The following TRIM62 variants were observed in gnomAD, a reference collection of about 807,000 sequenced individuals.
The protein encoded by TRIM62 is tripartite motif containing 62.
A neutral mutation model predicts 44.2 loss-of-function variants in TRIM62; 39 were observed. The observed-to-expected ratio is 0.88, with a 90% CI of 0.68 to 1.15. The LOEUF is 1.15. TRIM62 is among the 50% of genes most tolerant of loss of function. The probability of loss-of-function intolerance (pLI) is 0.00; values close to 1 mark genes in which losing one functional copy is unlikely to be tolerated. For missense variants in TRIM62, 544 were observed against 665.5 expected (o/e 0.82, Z 2.01); for synonymous variants, 278 against 292.3 (o/e 0.95, Z 0.50).
intron 4 of TRIM62, among the ~76,000 whole-genome samples, chr1:33,150,525 T>C (rs1645081790): frequency 6.6e-6 from 1 of 152,238 alleles, no homozygotes; most frequent in Non-Finnish European, 1.5e-5. Flanking sequence ...GAGGGCTGTA[T>C]GGAAGTAATT....
At chr1:33,154,154 A>G (rs1645140442) in intron 4 of TRIM62, among the ~76,000 whole-genome samples, 1 of 152,226 alleles carries the variant, frequency 6.6e-6, no homozygotes, top group African/African-American at 2.4e-5. Context: ...GAGGGAGAAT[A>G]TGGCTCATTT....
At chr1:33,153,057 A>C (rs1206427719) in intron 4 of TRIM62, among the ~76,000 whole-genome samples, 1 of 66,174 alleles carries the variant, frequency 1.5e-5, no homozygotes, top group African/African-American at 6.1e-5. Flanking sequence ...GAGGTGGGGG[A>C]GGGTGGAAGT....
intron 1 of TRIM62, among the ~76,000 whole-genome samples, chr1:33,180,452 C>T (rs1327523142): frequency 6.6e-6 from 1 of 152,064 alleles, no homozygotes; most frequent in Non-Finnish European, 1.5e-5. Flanking sequence ...ACTTTGGCAC[C>T]CTAACTTATA....
Position 33,159,573 on chromosome 1 carries a change from A to C in TRIM62, c.761+115T>G. The stretch of plus-strand genomic sequence containing the variant: ...CAGATGTCCCGTAAATGTTTGATGA[A>C]GATTTGAATGAAAGAATTCTCTGCT... On this transcript the variant is annotated intron_variant, in intron 3 of 4. Transcript: ENST00000291416. The surrounding 1 kb of genome is among the most constrained non-coding windows in gnomAD (Gnocchi z 4.2). 1.4e-6 allele frequency: 2 copies of C among 1,396,376 alleles called. No individual in the cohort carries two copies. The highest frequency in any genetic ancestry group is 1.9e-6 in the Non-Finnish European group (2 of 1,055,252). The allele number at this position is 1,396,376 out of a possible 1,614,324, so 86.5% of individuals were successfully genotyped here.
rs1233205899 is a variant in TRIM62 at position 33,181,316 on chromosome 1, C to T, written c.117G>A (p.Trp39Ter). 3 of 1,567,956 alleles carry T rather than the reference C, an allele frequency of 1.9e-6. No homozygotes were observed. The highest frequency in any genetic ancestry group is 2.6e-6 in the Non-Finnish European group (3 of 1,161,262). Residue 39 changes from tryptophan to a stop codon, truncating the protein, a stop_gained, in exon 1 of 5, where the codon TGG (tryptophan) becomes TGA (stop). Coordinates refer to ENST00000291416, the MANE Select transcript of TRIM62 (RefSeq NM_018207.3). LOFTEE classifies it high-confidence loss of function. The surrounding 1 kb of genome is among the most constrained non-coding windows in gnomAD (Gnocchi z 6.5). ...YFCRRCITEH[W>*]VRQEAQGARD... Reference sequence around the variant, plus strand: ...GGGCGCCCTGCGCCTCCTGCCGCACCCAGTGCTCCGTGATGCAGCGGCGGC... The same window carrying T: ...GGGCGCCCTGCGCCTCCTGCCGCACTCAGTGCTCCGTGATGCAGCGGCGGC...
At position 33,171,759 on chromosome 1, in the gene TRIM62, A is replaced by G. The variant is rs370344128; in HGVS notation, c.409-6193T>C. On this transcript the variant is annotated intron_variant, in intron 1 of 4. Transcript: ENST00000291416. ...CACCCTCCCTCCACCTTGGTTTCCA[A>G]ATCTGTAAAGTAAGGTCTTATTTTT... 9.9e-5 allele frequency among the ~76,000 whole-genome samples: 15 copies of G among 152,250 alleles called. No individual in the cohort carries two copies. The East Asian group carries it at 2.5e-3, about 25-fold the overall frequency.
At chr1:33,152,491 T>C (rs1645113516) in intron 4 of TRIM62, among the ~76,000 whole-genome samples, 1 of 149,898 alleles carries the variant, frequency 6.7e-6, no homozygotes, top group South Asian at 2.1e-4. Flanking sequence ...CGCTTGAATC[T>C]GGGAGGCGGA....
At chr1:33,163,041 G>GT (rs1180421445) in intron 2 of TRIM62, 1 of 151,854 alleles carries the variant, frequency 6.6e-6, no homozygotes, top group East Asian at 1.9e-4. Context: ...TGTTTTTGTT[G>GT]TTTTTTATTT....
At position 33,158,235 on chromosome 1, in the gene TRIM62, T is replaced by G. The variant is rs770183600; in HGVS notation, c.877+18A>C. 1.2e-6 allele frequency: 2 copies of G among 1,608,492 alleles called. No homozygotes were observed. Among genetic ancestry groups the G allele is most frequent in the African/African-American group, 2.7e-5 (2 of 74,942 alleles). On this transcript the variant is annotated intron_variant, in intron 4 of 4. Transcript: ENST00000291416. Reference sequence around the variant, plus strand: ...ACATGCCCCACCTAGCTCTGGACCATGATAACCCATGCCTTACCTGGGTGG... The same window carrying G: ...ACATGCCCCACCTAGCTCTGGACCAGGATAACCCATGCCTTACCTGGGTGG...
At chr1:33,164,268 T>C (rs1249327740) in intron 2 of TRIM62, 1 of 152,320 alleles carries the variant, frequency 6.6e-6, no homozygotes, top group African/African-American at 2.4e-5. Flanking sequence ...GGGGCATAGA[T>C]CTGGGTTTCC....
chr1:33,146,878 G>T lies in TRIM62; in HGVS notation c.*299C>A. 1 of 433,758 alleles carries T rather than the reference G, an allele frequency of 2.3e-6. No homozygotes were observed. Among genetic ancestry groups the T allele is most frequent in the Non-Finnish European group, 4.2e-6 (1 of 236,938 alleles). 26.9% of individuals were successfully genotyped at this position (433,758 alleles called of 1,614,324 possible). On this transcript the variant is annotated 3_prime_UTR_variant, in exon 5 of 5. Transcript: ENST00000291416. ...GGGAGACACTGGAAGGTAGTCCCCTGCCCCTGAGAAGATGGGGATGAGGGT... is the reference window on the plus strand; with the variant it reads ...GGGAGACACTGGAAGGTAGTCCCCTTCCCCTGAGAAGATGGGGATGAGGGT...
intron 1 of TRIM62, among the ~76,000 whole-genome samples, chr1:33,179,914 GGT>G (rs1491182209): frequency 2.1e-5 from 3 of 145,346 alleles, no homozygotes; most frequent in African/African-American, 4.9e-5. Flanking sequence ...TCTCCAAGGG[GGT>G]GGGTATAAAA....
Position 33,181,058 on chromosome 1 carries a change from G to C in TRIM62, c.375C>G (p.Val125=), listed in dbSNP as rs371408566. The change falls in exon 1 of 5, where the codon GTC becomes GTG. Residue 125 remains valine (V), a synonymous_variant. Coordinates refer to ENST00000291416, the MANE Select transcript of TRIM62 (RefSeq NM_018207.3). This position sits in a 1 kb window ranked among gnomAD's most constrained non-coding sequence, Gnocchi z 6.5. ...DEPALHEQHQ[V]TGIDDAFDEL... ...CGTCGAAGGCGTCGTCGATGCCGGT[G>C]ACCTGATGCTGCTCGTGCAGTGCAG... 1 of 1,597,566 alleles carries C rather than the reference G, an allele frequency of 6.3e-7. No individual in the cohort carries two copies. The highest frequency in any genetic ancestry group is 1.7e-5 in the Admixed American group (1 of 59,782).
rs763484943 is a variant in TRIM62 at position 33,158,251 on chromosome 1, A to G, written c.877+2T>C. On this transcript the variant is annotated splice_donor_variant, in intron 4 of 4. Coordinates refer to ENST00000291416, the MANE Select transcript of TRIM62 (RefSeq NM_018207.3). LOFTEE classifies it high-confidence loss of function. Reference sequence around the variant, plus strand: ...TCTGGACCATGATAACCCATGCCTTACCTGGGTGGATGTCCTGGAACAGGG... The same window carrying G: ...TCTGGACCATGATAACCCATGCCTTGCCTGGGTGGATGTCCTGGAACAGGG... 6.2e-7 allele frequency: 1 copy of G among 1,612,466 alleles called. No homozygotes were observed. The highest frequency in any genetic ancestry group is 8.5e-7 in the Non-Finnish European group (1 of 1,178,584).
chr1:33,181,307 C>T lies in TRIM62; in HGVS notation c.126G>A (p.Gln42=). ...GGCAGTCGCGGGCGCCCTGCGCCTC[C>T]TGCCGCACCCAGTGCTCCGTGATGC... ...RRCITEHWVR[Q]EAQGARDCPE... Residue 42 remains glutamine, a synonymous_variant, in exon 1 of 5, where the codon CAG becomes CAA. Coordinates refer to ENST00000291416, the MANE Select transcript of TRIM62 (RefSeq NM_018207.3). The surrounding 1 kb of genome is among the most constrained non-coding windows in gnomAD (Gnocchi z 6.5). 2 of 1,560,498 alleles carry T rather than the reference C, an allele frequency of 1.3e-6. No individual in the cohort carries two copies. Among genetic ancestry groups the T allele is most frequent in the Non-Finnish European group, 1.7e-6 (2 of 1,157,854 alleles).
In TRIM62 at chr1:33,147,225, G is replaced by A; in HGVS notation, c.1380C>T (p.Ala460=). The change falls in exon 5 of 5, where the codon GCC becomes GCT. Residue 460 remains alanine, a synonymous_variant. Transcript: ENST00000291416. The surrounding 1 kb of genome is among the most constrained non-coding windows in gnomAD (Gnocchi z 8.1). ...GCAGCGGCTGAACGTTCTTGCCATTGGCGTGGCTCTGGCCAGGGCTGAAGT... is the reference window on the plus strand; with the variant it reads ...GCAGCGGCTGAACGTTCTTGCCATTAGCGTGGCTCTGGCCAGGGCTGAAGT... ...CSYFSPGQSH[A]NGKNVQPLRI... 1 of 1,613,984 alleles carries A rather than the reference G, an allele frequency of 6.2e-7. No homozygotes were observed. Among genetic ancestry groups the A allele is most frequent in the Non-Finnish European group, 8.5e-7 (1 of 1,180,030 alleles).
chr1:33,154,998 C>T (rs1333106278), intron 4 of TRIM62, among the ~76,000 whole-genome samples: 12 of 148,430 alleles, frequency 8.1e-5, no homozygotes, highest in Admixed American at 4.7e-4. Flanking sequence ...GAGGCTGAGG[C>T]GGGAGAATGG....
chr1:33,165,871 C>G lies in TRIM62; in HGVS notation c.409-305G>C. On this transcript the variant is annotated intron_variant, in intron 1 of 4. Coordinates refer to ENST00000291416, the MANE Select transcript of TRIM62 (RefSeq NM_018207.3). The surrounding 1 kb of genome is among the most constrained non-coding windows in gnomAD (Gnocchi z 4.0). ...TGGCTCCCCACACTTGGCCCTGGATCCCCGCTTAGAATTAAGGCAGGGGTC... is the reference window on the plus strand; with the variant it reads ...TGGCTCCCCACACTTGGCCCTGGATGCCCGCTTAGAATTAAGGCAGGGGTC... 1 of 236,112 alleles carries G rather than the reference C, an allele frequency of 4.2e-6. No individual in the cohort carries two copies. The highest frequency in any genetic ancestry group is 8.4e-5 in the East Asian group (1 of 11,972). The allele number at this position is 236,112 out of a possible 1,614,324, so 14.6% of individuals were successfully genotyped here. A position where few individuals can be genotyped will look rare whatever the true frequency, so the allele number is the denominator to read the frequency against.
intron 2 of TRIM62, chr1:33,164,453 A>G (rs1440574259): frequency 6.6e-6 from 1 of 152,378 alleles, no homozygotes; most frequent in African/African-American, 2.4e-5. Flanking sequence ...AGAGTGCTGG[A>G]CTGAGCCTGG....
Sources: allele counts gnomAD v4.1 joint callset (sites outside exome capture counted in the v4.1 genomes callset), GRCh38; gene constraint gnomAD v4.1.1; non-coding constraint Gnocchi (gnomAD v3.1); transcripts MANE v1.5; gene names NCBI Gene and HGNC (gene_info 2026-07-23, HGNC 2026-07-21).